SAXO1: variants seen among roughly 807,000 people sequenced by gnomAD.
The protein encoded by SAXO1 is 4930500O09Rik.
Under a neutral mutation model 17.5 loss-of-function variants are expected in SAXO1, and 21 were observed. The observed-to-expected ratio is 1.20, with a 90% CI of 0.85 to 1.72. The LOEUF is 1.72. Ranked by LOEUF, SAXO1 falls within the 40% of genes most tolerant of loss-of-function variation. SAXO1 has a pLI of 0.00. For synonymous variants in SAXO1, 274 were observed against 216.5 expected, an observed-to-expected ratio of 1.27 and a Z score of -2.33; for missense variants, 843 against 596.0, an observed-to-expected ratio of 1.41 and a Z score of -4.32.
At chr9:18,939,724 G>A (rs910676514) in intron 3 of SAXO1, among the ~76,000 whole-genome samples, 1 of 152,112 alleles carries the variant, frequency 6.6e-6, no homozygotes, top group Non-Finnish European at 1.5e-5. Context: ...AGGCAGAAAA[G>A]GTTTGGGTTT....
intron 1 of SAXO1, among the ~76,000 whole-genome samples, chr9:18,966,199 A>G (rs539912919): frequency 1.1e-3 from 170 of 152,172 alleles, no homozygotes; most frequent in African/African-American, 4.0e-3. Context: ...ACCTTGGTCA[A>G]TCTGATGATT....
intron 2 of SAXO1, among the ~76,000 whole-genome samples, chr9:18,946,392 T>C (rs1481736488): frequency 1.3e-5 from 2 of 149,564 alleles, no homozygotes; most frequent in Admixed American, 6.7e-5. Context: ...AAGCCCTAAA[T>C]TCTGTACATA....
intron 1 of SAXO1, among the ~76,000 whole-genome samples, chr9:18,951,709 G>C (rs1832046738): frequency 1.3e-5 from 2 of 152,164 alleles, no homozygotes; most frequent in Non-Finnish European, 2.9e-5. Context: ...TGACTGGCAT[G>C]TCTGTTGGCA....
intron 1 of SAXO1, among the ~76,000 whole-genome samples, chr9:19,013,058 G>C (rs1834817932): frequency 6.6e-6 from 1 of 152,050 alleles, no homozygotes; most frequent in Admixed American, 6.6e-5. Context: ...GGCTCCAGAA[G>C]CTACACACAG....
At chr9:18,957,040 C>G (rs1159731531) in intron 1 of SAXO1, among the ~76,000 whole-genome samples, 1 of 152,176 alleles carries the variant, frequency 6.6e-6, no homozygotes, top group Non-Finnish European at 1.5e-5. Context: ...GAATGCCAGC[C>G]TGTACCAAGT....
intron 1 of SAXO1, among the ~76,000 whole-genome samples, chr9:19,014,460 C>CAAGAAAAA (rs1834884491): frequency 1.1e-5 from 1 of 88,556 alleles, no homozygotes; most frequent in African/African-American, 4.9e-5. Flanking sequence ...AACTGTGTCT[C>CAAGAAAAA]AAAAAAAAAA....
Position 18,941,675 on chromosome 9 carries a change from G to C in SAXO1, c.383C>G (p.Pro128Arg). Residue 128 changes from proline to arginine, a missense_variant, in exon 3 of 4, where the codon CCA becomes CGA. By Grantham distance (103) the Pro-to-Arg change is moderately radical. Transcript: ENST00000380534. The stretch of plus-strand genomic sequence containing the variant: ...CAAACACTCCATCTTGTCGCTACAT[G>C]GATATTTACTGTCCCGAGGTTTGAT... ...DPIKPRDSKYPCSDKMECLPT... is the reference protein window; with the variant it reads ...DPIKPRDSKYRCSDKMECLPT... The C allele has an allele frequency of 1.2e-6, 2 of 1,614,126 alleles. No individual in the cohort carries two copies. Among genetic ancestry groups the C allele is most frequent in the Non-Finnish European group, 1.7e-6 (2 of 1,180,014 alleles).
chr9:18,960,926 G>GAAGAGA, intron 1 of SAXO1, among the ~76,000 whole-genome samples: 1 of 152,044 alleles, frequency 6.6e-6, no homozygotes, highest in Non-Finnish European at 1.5e-5. Context: ...AGAGAGTGAG[G>GAAGAGA]GTGAAGGGGC....
chr9:19,048,884 C>A (rs1158809890), intron 1 of SAXO1, among the ~76,000 whole-genome samples: 1 of 152,216 alleles, frequency 6.6e-6, no homozygotes, highest in Admixed American at 6.5e-5. Flanking sequence ...GAATTAAAAG[C>A]ACCCACTGGA....
At chr9:18,953,770 A>G (rs1281084146) in intron 1 of SAXO1, among the ~76,000 whole-genome samples, 1 of 152,214 alleles carries the variant, frequency 6.6e-6, no homozygotes, top group Non-Finnish European at 1.5e-5. Context: ...CCAATATTAT[A>G]TACGTATTTA....
chr9:19,022,206 C>T (rs1835268608), intron 1 of SAXO1, among the ~76,000 whole-genome samples: 1 of 152,196 alleles, frequency 6.6e-6, no homozygotes, highest in Non-Finnish European at 1.5e-5. Context: ...CTGCAAAGGT[C>T]TGCAGCTCCA....
At position 18,982,355 on chromosome 9, in the gene SAXO1, T is replaced by C. The variant is rs1302056220; in HGVS notation, c.39-31418A>G. ...AGGCAATTTTTATTGGGTAATAAAA[T>C]TCCCTCCCCAGGGAAGGTGTCCGAG... On this transcript the variant is annotated intron_variant, in intron 1 of 3. Coordinates refer to ENST00000380534, the MANE Select transcript of SAXO1 (RefSeq NM_153707.4). 4.6e-5 allele frequency among the ~76,000 whole-genome samples: 7 copies of C among 152,136 alleles called. 1 individual carries two copies. Among genetic ancestry groups the C allele is most frequent in the African/African-American group, 1.4e-4 (6 of 41,428 alleles).
intron 1 of SAXO1, among the ~76,000 whole-genome samples, chr9:18,962,034 T>C (rs1208793753): frequency 1.3e-5 from 2 of 152,178 alleles, no homozygotes; most frequent in Admixed American, 1.3e-4. Flanking sequence ...TGGTGTGAGA[T>C]GGTATCTCAT....
intron 1 of SAXO1, among the ~76,000 whole-genome samples, chr9:19,008,481 A>C (rs555885908): frequency 6.6e-6 from 1 of 152,158 alleles, no homozygotes; most frequent in African/African-American, 2.4e-5. Flanking sequence ...TTCTGGAAGG[A>C]GCAGAAAGCT....
chr9:18,937,448 C>T (rs1050737899), intron 3 of SAXO1, among the ~76,000 whole-genome samples: 10 of 152,192 alleles, frequency 6.6e-5, no homozygotes, highest in African/African-American at 2.2e-4. Context: ...GCATTCAAGG[C>T]ACAGTTTGGG....
intron 1 of SAXO1, among the ~76,000 whole-genome samples, chr9:19,030,418 G>A (rs1835708321): frequency 6.6e-6 from 1 of 151,612 alleles, no homozygotes; most frequent in African/African-American, 2.4e-5. Flanking sequence ...TTAGAAAAGA[G>A]TCAATGTGCC....
chr9:18,963,030 TC>T (rs1832552751), intron 1 of SAXO1, among the ~76,000 whole-genome samples: 1 of 152,226 alleles, frequency 6.6e-6, no homozygotes, highest in African/African-American at 2.4e-5. Flanking sequence ...TAGCCAGTTT[TC>T]CCAACACCAT....
At chr9:18,971,074 C>T (rs569453792) in intron 1 of SAXO1, among the ~76,000 whole-genome samples, 19 of 152,268 alleles carry the variant, frequency 1.2e-4, no homozygotes, top group Non-Finnish European at 2.4e-4. Context: ...GTCCGACCTG[C>T]ACCAGCCCTC....
intron 1 of SAXO1, chr9:19,028,249 G>A: frequency 1.4e-6 from 1 of 733,888 alleles, no homozygotes; most frequent in Non-Finnish European, 2.2e-6. Flanking sequence ...AGTGGCGGGC[G>A]CCTGTAATCC....
Sources: gnomAD v4.1 joint callset for allele counts (sites outside exome capture counted in the v4.1 genomes callset) on GRCh38, gnomAD v4.1.1 for gene constraint, MANE v1.5 for transcripts, NCBI Gene and HGNC (gene_info 2026-07-23, HGNC 2026-07-21) for gene names.